Variants in SPATA7 observed in about 807,000 individuals in gnomAD.
SPATA7 encodes spermatogenesis-associated protein 7.
SPATA7 carries 43 observed loss-of-function variants against 51.8 expected under a neutral mutation model. The observed-to-expected ratio is 0.83, with a 90% CI of 0.65 to 1.07. The LOEUF is 1.07. Among genes scored for constraint, SPATA7 ranks in the 50% least tolerant of loss-of-function variants. The pLI is 0.00. For synonymous variants in SPATA7, 230 were observed against 252.8 expected, an observed-to-expected ratio of 0.91 and a Z score of 0.86; for missense variants, 683 against 701.3, an observed-to-expected ratio of 0.97 and a Z score of 0.30.
In SPATA7 at chr14:88,426,489, C is replaced by T. The variant is rs1227165374; in HGVS notation, c.630C>T (p.Ser210=). The change falls in exon 6 of 12, where the codon TCC becomes TCT. Residue 210 remains serine (S), a synonymous_variant. Coordinates refer to ENST00000393545, the MANE Select transcript of SPATA7 (RefSeq NM_018418.5). Reference sequence around the variant, plus strand: ...GGCCCAGAAGCACATTCCCAAATTCCCACCGGTTTCAGTTAGTCATTTCGA... The same window carrying T: ...GGCCCAGAAGCACATTCCCAAATTCTCACCGGTTTCAGTTAGTCATTTCGA... ...GRRPRSTFPN[S]HRFQLVISKA... 1.2e-6 allele frequency: 2 copies of T among 1,614,062 alleles called. No individual in the cohort carries two copies. Among genetic ancestry groups the T allele is most frequent in the South Asian group, 2.2e-5 (2 of 91,084 alleles).
downstream of SPATA7, among the ~76,000 whole-genome samples, chr14:88,439,786 C>A (rs1272061691): frequency 3.3e-5 from 5 of 152,224 alleles, no homozygotes; most frequent in East Asian, 9.7e-4. Flanking sequence ...ACAGGTACAA[C>A]CTGCAAAGCA....
intron 9 of SPATA7, among the ~76,000 whole-genome samples, chr14:88,432,300 G>A (rs973274102): frequency 6.6e-6 from 1 of 151,978 alleles, no homozygotes; most frequent in Non-Finnish European, 1.5e-5. Flanking sequence ...AAGACCCTGT[G>A]AATCAGTTTG....
intron 3 of SPATA7, among the ~76,000 whole-genome samples, chr14:88,454,061 A>G (rs1351299854): frequency 2.0e-5 from 3 of 152,216 alleles, no homozygotes; most frequent in Admixed American, 6.5e-5. Flanking sequence ...CCCGAGAGAA[A>G]GAATATACCA....
At chr14:88,449,265 G>A (rs567561515) in intron 3 of SPATA7, among the ~76,000 whole-genome samples, 41 of 152,176 alleles carry the variant, frequency 2.7e-4, no homozygotes, top group African/African-American at 9.4e-4. Flanking sequence ...TATTTTGATA[G>A]TTTGTGTCAC....
chr14:88,399,702 G>A (rs1337214096), intron 4 of SPATA7, among the ~76,000 whole-genome samples: 1 of 152,114 alleles, frequency 6.6e-6, no homozygotes, highest in East Asian at 1.9e-4. Flanking sequence ...TTACAGGCGT[G>A]AGCCACCGCG....
At position 88,469,097 on chromosome 14, in the gene SPATA7, A is replaced by C. The variant is rs1485803858; in HGVS notation, c.255-750A>C. The C allele has an allele frequency of 6.2e-7, 1 of 1,600,826 alleles. No individual in the cohort carries two copies. The highest frequency in any genetic ancestry group is 2.2e-5 in the East Asian group (1 of 44,548). On this transcript the variant is annotated intron_variant, in intron 4 of 4. Transcript: ENST00000556406. The surrounding 1 kb of genome is among the most constrained non-coding windows in gnomAD (Gnocchi z 4.3). ...ATATGCTGTGGAAAATCAATGAAAT[A>C]GAAAAGTACTCAAGGATCAAGGCGT...
chr14:88,464,121 T>C (rs1334724732), intron 4 of SPATA7, among the ~76,000 whole-genome samples: 1 of 151,978 alleles, frequency 6.6e-6, no homozygotes, highest in East Asian at 1.9e-4. Context: ...TTTACAGGGG[T>C]GAGCCACCAC....
At chr14:88,412,223 T>C (rs938630233) in intron 4 of SPATA7, among the ~76,000 whole-genome samples, 1 of 133,964 alleles carries the variant, frequency 7.5e-6, no homozygotes, top group Non-Finnish European at 1.5e-5. Context: ...TTCTTCTTGC[T>C]TTTTTTTTTT....
At chr14:88,443,189 C>A (rs1266615441), downstream of SPATA7, among the ~76,000 whole-genome samples, 1 of 152,120 alleles carries the variant, frequency 6.6e-6, no homozygotes, top group Non-Finnish European at 1.5e-5. Context: ...GTGGTCCACC[C>A]GCCTTGGCCT....
intron 5 of SPATA7, among the ~76,000 whole-genome samples, chr14:88,418,835 T>C (rs2076557026): frequency 6.6e-6 from 1 of 152,204 alleles, no homozygotes; most frequent in South Asian, 2.1e-4. Flanking sequence ...TTTCTTAATC[T>C]CTGTATCTGC....
intron 7 of SPATA7, 99 bp from the exon 8 acceptor site, chr14:88,429,237 TTTTTATCTACTG>T: frequency 1.5e-6 from 1 of 667,794 alleles, no homozygotes; most frequent in African/African-American, 1.8e-5. Context: ...TACTGTATAA[TTTTTATCTACTG>T]GATATCTCTG....
Position 88,437,143 on chromosome 14 carries a change from A to T in SPATA7, c.1161-400A>T, listed in dbSNP as rs537590076. Among the ~76,000 whole-genome samples, 18 of 151,832 alleles carry T rather than the reference A, an allele frequency of 1.2e-4. No individual in the cohort carries two copies. In the South Asian group the frequency reaches 3.7e-3, roughly 32 times the overall value. On this transcript the variant is annotated intron_variant, in intron 10 of 11. Transcript: ENST00000393545. Reference sequence around the variant, plus strand: ...TATACTTTAATATAGGAATTTTTAAAAGTATAATTTAGGAAGGATTATAAA... The same window carrying T: ...TATACTTTAATATAGGAATTTTTAATAGTATAATTTAGGAAGGATTATAAA...
At chr14:88,466,555 T>TAAG (rs1405056280) in intron 4 of SPATA7, 7 of 152,280 alleles carry the variant, frequency 4.6e-5, no homozygotes, top group African/African-American at 1.7e-4. Context: ...AAGTTCACTG[T>TAAG]AAGAAGAGAC....
chr14:88,426,566 A>G lies in SPATA7; in HGVS notation c.707A>G (p.Lys236Arg), dbSNP rs1178561230. The change falls in exon 6 of 12, where the codon AAA becomes AGA. Residue 236 changes from lysine to arginine, a missense_variant. Coordinates refer to ENST00000393545, the MANE Select transcript of SPATA7 (RefSeq NM_018418.5). ...LDKHSELFSN[K>R]QLPFTPRTLK... ...AAACATTCTGAACTCTTTTCTAACA[A>G]ACAATTGCCATTCACTCCTCGCACT... 1 of 1,614,060 alleles carries G rather than the reference A, an allele frequency of 6.2e-7. No homozygotes were observed. The highest frequency in any genetic ancestry group is 8.5e-7 in the Non-Finnish European group (1 of 1,180,032).
In SPATA7 at chr14:88,453,964, T is replaced by G. The variant is rs527685212; in HGVS notation, c.178-1096T>G. Among the ~76,000 whole-genome samples, 6 of 152,344 alleles carry G rather than the reference T, an allele frequency of 3.9e-5. No homozygotes were observed. In the South Asian group the frequency reaches 1.2e-3, roughly 32 times the overall value. On this transcript the variant is annotated intron_variant, in intron 3 of 3. Transcript: ENST00000554802. Reference sequence around the variant, plus strand: ...TCTGCTTTGTGCTCATATTCGAGTTTTGAGGCAAAAACACACACCTAGCAG... The same window carrying G: ...TCTGCTTTGTGCTCATATTCGAGTTGTGAGGCAAAAACACACACCTAGCAG...
At position 88,443,518 on chromosome 14, in the gene SPATA7, C is replaced by G. The variant is rs1208314968; in HGVS notation, c.177+5615C>G. 3.9e-5 allele frequency among the ~76,000 whole-genome samples: 6 copies of G among 152,080 alleles called. No homozygotes were observed. In the East Asian group the frequency reaches 1.2e-3, roughly 29 times the overall value. On this transcript the variant is annotated intron_variant, in intron 3 of 3. Transcript: ENST00000554802. ...TTATTATACTTTAAGTTTTAGGGTA[C>G]ATGTGCACAATGTGCAGGTTAGTTA...
chr14:88,392,842 G>T lies in SPATA7; in HGVS notation c.95-551G>T, dbSNP rs187167848. Among the ~76,000 whole-genome samples, 501 of 150,322 alleles carry T rather than the reference G, an allele frequency of 3.3e-3. 3 individuals are homozygous for T. The highest frequency in any genetic ancestry group is 4.7e-3 in the Non-Finnish European group (319 of 67,980). On this transcript the variant is annotated intron_variant, in intron 2 of 11. Transcript: ENST00000393545. ...TTAAACAGTTTGAATGAGGACCAAG[G>T]AGTTTAATGTCATGGAATTTCTTTG...
intron 3 of SPATA7, among the ~76,000 whole-genome samples, chr14:88,449,445 A>T (rs896242241): frequency 5.3e-5 from 8 of 152,076 alleles, no homozygotes; most frequent in Non-Finnish European, 2.9e-5. Flanking sequence ...AGAGTACTTG[A>T]TAAGATTTTT....
At chr14:88,437,728 G>T (rs1023272561) in intron 11 of SPATA7, 110 bp from the exon 12 acceptor site, 4 of 1,332,864 alleles carry the variant, frequency 3.0e-6, no homozygotes, top group Non-Finnish European at 4.1e-6. Context: ...TGAGGGTGGT[G>T]GTGGGAGAAG....
Sources: gnomAD v4.1 joint callset for allele counts (sites outside exome capture counted in the v4.1 genomes callset) on GRCh38, gnomAD v4.1.1 for gene constraint, Gnocchi (gnomAD v3.1) non-coding constraint, MANE v1.5 for transcripts, NCBI Gene and HGNC (gene_info 2026-07-23, HGNC 2026-07-21) for gene names.